Variants in EFNA5 observed in about 807,000 individuals in gnomAD.
EFNA5 encodes ephrin A5, also known as ephrin-A5.
EFNA5 carries 5 observed loss-of-function variants against 22.9 expected under a neutral mutation model. That is an observed-to-expected ratio of 0.22 (90% CI 0.11 to 0.46). The LOEUF (loss-of-function observed/expected upper bound fraction) is 0.46. Ranked by LOEUF, EFNA5 falls within the 20% of genes least tolerant of loss-of-function variation. EFNA5 has a pLI of 0.99. For missense variants in EFNA5, 237 were observed against 293.3 expected (o/e 0.81, Z 1.40); for synonymous variants, 113 against 112.2 (o/e 1.01, Z -0.04).
chr5:107,507,353 C>G, intron 1 of EFNA5, among the ~76,000 whole-genome samples: 1 of 152,028 alleles, frequency 6.6e-6, no homozygotes, highest in Non-Finnish European at 1.5e-5. Context: ...ATAAATATGA[C>G]TACACTAGAA....
At chr5:107,542,032 T>C (rs946981461) in intron 1 of EFNA5, among the ~76,000 whole-genome samples, 1 of 152,162 alleles carries the variant, frequency 6.6e-6, no homozygotes, top group African/African-American at 2.4e-5. Context: ...CACTGAAAAT[T>C]CTGAAAAATC....
rs1304738867 is a variant in EFNA5 at position 107,624,082 on chromosome 5, G to A, written c.125+46407C>T. ...AAATAGGCCTTAATCTAGTATATCTGGATTTTACAATATCACTAAGTGTCA... is the reference window on the plus strand; with the variant it reads ...AAATAGGCCTTAATCTAGTATATCTAGATTTTACAATATCACTAAGTGTCA... On this transcript the variant is annotated intron_variant, in intron 1 of 4. Transcript: ENST00000333274. Among the ~76,000 whole-genome samples, 3 of 151,938 alleles carry A rather than the reference G, an allele frequency of 2.0e-5. No individual in the cohort carries two copies. In the East Asian group the frequency reaches 5.8e-4, roughly 29 times the overall value.
intron 1 of EFNA5, among the ~76,000 whole-genome samples, chr5:107,439,221 A>G (rs152603): frequency 0.39 from 59,835 of 151,922 alleles, 12,018 homozygotes; most frequent in East Asian, 0.54. Flanking sequence ...CAGAGAGCTC[A>G]TTCTCCTTCT....
rs1368154935 is a variant in EFNA5, at chr5:107,496,206, G to A, written c.126-68697C>T. Among the ~76,000 whole-genome samples, 13 of 148,694 alleles carry A rather than the reference G, an allele frequency of 8.7e-5. No individual in the cohort carries two copies. The South Asian group carries it at 1.3e-3, about 15-fold the overall frequency. On this transcript the variant is annotated intron_variant, in intron 1 of 4. Transcript: ENST00000333274. The stretch of plus-strand genomic sequence containing the variant: ...AAAAAAATACATAAATTAGCTGGGC[G>A]TGGTGGCAGGCACCTGTAATCCCAG...
chr5:107,499,744 C>A (rs920190057), intron 1 of EFNA5, among the ~76,000 whole-genome samples: 1 of 152,156 alleles, frequency 6.6e-6, no homozygotes, highest in Admixed American at 6.6e-5. Flanking sequence ...AATTCTTCCC[C>A]TCCTTGAGTT....
rs568430641 is a variant in EFNA5, at chr5:107,437,323, G to C, written c.126-9814C>G. On this transcript the variant is annotated intron_variant, in intron 1 of 4. Transcript: ENST00000333274. ...AGACAATAAAGCAGAAATTGTGGCT[G>C]TTTCTATGGAAATTGGCACGTGCAA... 5.1e-4 allele frequency among the ~76,000 whole-genome samples: 78 copies of C among 152,318 alleles called. No individual in the cohort carries two copies. The South Asian group carries it at 0.016, about 32-fold the overall frequency.
chr5:107,641,127 G>A (rs1561457327), intron 1 of EFNA5, among the ~76,000 whole-genome samples: 1 of 152,126 alleles, frequency 6.6e-6, no homozygotes, highest in South Asian at 2.1e-4. Flanking sequence ...GGAGGCCAAG[G>A]CAGGTGGATT....
At chr5:107,513,670 C>T (rs1015749792) in intron 1 of EFNA5, among the ~76,000 whole-genome samples, 2 of 152,126 alleles carry the variant, frequency 1.3e-5, no homozygotes, top group African/African-American at 4.8e-5. Context: ...TTCTTGCAAG[C>T]CTGCAAAACT....
At chr5:107,511,187 T>C (rs649550) in intron 1 of EFNA5, among the ~76,000 whole-genome samples, 1 of 152,204 alleles carries the variant, frequency 6.6e-6, no homozygotes, top group East Asian at 1.9e-4. Flanking sequence ...CCACCACGCC[T>C]GGCTAATTTT....
intron 1 of EFNA5, among the ~76,000 whole-genome samples, chr5:107,467,532 T>A (rs1012434621): frequency 1.3e-5 from 2 of 151,942 alleles, no homozygotes; most frequent in South Asian, 2.1e-4. Context: ...GTAAAAAAAA[T>A]AGTGTCTATT....
chr5:107,449,105 T>C (rs1301496248), intron 1 of EFNA5, among the ~76,000 whole-genome samples: 1 of 152,112 alleles, frequency 6.6e-6, no homozygotes, highest in African/African-American at 2.4e-5. Context: ...GTTTCACACA[T>C]GGAACATGCA....
chr5:107,411,819 G>A (rs546280632), intron 2 of EFNA5, among the ~76,000 whole-genome samples: 1 of 152,298 alleles, frequency 6.6e-6, no homozygotes, highest in Non-Finnish European at 1.5e-5. Context: ...CGACTCTCCT[G>A]CCTTGGCTTC....
Position 107,377,205 on chromosome 5 carries a change from C to T in EFNA5, c.*4050G>A, listed in dbSNP as rs1747288177. 6.6e-6 allele frequency: 1 copy of T among 152,130 alleles called. No individual in the cohort carries two copies. The highest frequency in any genetic ancestry group is 1.5e-5 in the Non-Finnish European group (1 of 68,056). 9.4% of individuals were successfully genotyped at this position (152,130 alleles called of 1,614,324 possible). A position where few individuals can be genotyped will look rare whatever the true frequency, so the allele number is the denominator to read the frequency against. ...ATTTTGACTCATGGGTAACCTCCGA[C>T]ATGCCAGCATCTATTAAACTGTACA... On this transcript the variant is annotated 3_prime_UTR_variant, in exon 5 of 5. Coordinates refer to ENST00000333274, the MANE Select transcript of EFNA5 (RefSeq NM_001962.3).
intron 1 of EFNA5, among the ~76,000 whole-genome samples, chr5:107,494,976 T>A (rs1393221623): frequency 1.3e-5 from 2 of 152,044 alleles, no homozygotes; most frequent in Non-Finnish European, 2.9e-5. Context: ...AACCTTTGTG[T>A]CTAGCTCAGG....
At chr5:107,395,806 T>C (rs1747906820) in intron 2 of EFNA5, among the ~76,000 whole-genome samples, 2 of 152,208 alleles carry the variant, frequency 1.3e-5, no homozygotes. Context: ...ATTATTCACT[T>C]AGAAAACCTC....
chr5:107,632,747 G>A (rs1750285351), intron 1 of EFNA5, among the ~76,000 whole-genome samples: 1 of 152,134 alleles, frequency 6.6e-6, no homozygotes, highest in African/African-American at 2.4e-5. Flanking sequence ...TTCAGAGGCT[G>A]TGTCTCAAAC....
intron 1 of EFNA5, among the ~76,000 whole-genome samples, chr5:107,442,189 T>C (rs186138744): frequency 1.8e-4 from 27 of 152,008 alleles, no homozygotes; most frequent in Non-Finnish European, 3.4e-4. Context: ...CCTTTTTTTT[T>C]CCCATTGATA....
intron 1 of EFNA5, among the ~76,000 whole-genome samples, chr5:107,659,688 A>C (rs914001247): frequency 2.0e-5 from 3 of 152,088 alleles, no homozygotes; most frequent in East Asian, 1.9e-4. Context: ...GTAAAAAAAA[A>C]ATAATTTGCA....
In EFNA5 at chr5:107,585,392, G is replaced by C. The variant is rs6893748; in HGVS notation, c.125+85097C>G. ...AAATTTCTTTCCATTTCTGATGGCA[G>C]CAACAGCCAATTCAAGGCAAGCAGG... On this transcript the variant is annotated intron_variant, in intron 1 of 4. Coordinates refer to ENST00000333274, the MANE Select transcript of EFNA5 (RefSeq NM_001962.3). 7.9e-3 allele frequency among the ~76,000 whole-genome samples: 1,198 copies of C among 152,256 alleles called. 22 individuals are homozygous for C. Among genetic ancestry groups the C allele is most frequent in the African/African-American group, 0.026 (1,094 of 41,554 alleles).
Sources: allele counts gnomAD v4.1 joint callset (sites outside exome capture counted in the v4.1 genomes callset), GRCh38; gene constraint gnomAD v4.1.1; transcripts MANE v1.5; gene names NCBI Gene and HGNC (gene_info 2026-07-23, HGNC 2026-07-21).